PTPRD: variants seen among roughly 807,000 people sequenced by gnomAD.
PTPRD encodes the protein receptor-type tyrosine-protein phosphatase delta.
A neutral mutation model predicts 214.5 loss-of-function variants in PTPRD; 34 were observed. The ratio of observed to expected loss-of-function variants is 0.16; its 90% CI spans 0.12 to 0.21. The LOEUF (loss-of-function observed/expected upper bound fraction) is 0.21, where lower values mean the gene tolerates loss of function less well. Among genes scored for constraint, PTPRD ranks in the 10% least tolerant of loss-of-function variants. PTPRD has a pLI of 1.00. For synonymous variants in PTPRD, 1,128 were observed against 845.7 expected, an observed-to-expected ratio of 1.33 and a Z score of -5.79; for missense variants, 2,545 against 2,398.7, an observed-to-expected ratio of 1.06 and a Z score of -1.27.
rs146807692 is a variant in PTPRD, at chr9:8,500,558, G to GAAAAAAAAAAAAAAAA, written c.2128+180_2128+195dup. ...TTACTGCATTGAGATTGAAAAAAAT[G>GAAAAAAAAAAAAAAAA]AAAAAAAAAAAAAAAAAAAAAAAAA... On this transcript the variant is annotated intron_variant, in intron 24 of 45. Transcript: ENST00000381196. Among the ~76,000 whole-genome samples the GAAAAAAAAAAAAAAAA allele has an allele frequency of 1.6e-3, 23 of 14,314 alleles. 5 individuals carry two copies. Among genetic ancestry groups the GAAAAAAAAAAAAAAAA allele is most frequent in the African/African-American group, 2.2e-3 (7 of 3,192 alleles). 9.4% of individuals were successfully genotyped at this position (14,314 alleles called of 152,430 possible). A position where few individuals can be genotyped will look rare whatever the true frequency, so the allele number is the denominator to read the frequency against.
At chr9:8,791,115 T>G (rs946999016) in intron 11 of PTPRD, among the ~76,000 whole-genome samples, 1 of 152,084 alleles carries the variant, frequency 6.6e-6, no homozygotes, top group Non-Finnish European at 1.5e-5. Context: ...CAGAAGAAAG[T>G]AGAATCCTCA....
intron 11 of PTPRD, among the ~76,000 whole-genome samples, chr9:8,945,196 T>A (rs527706517): frequency 2.3e-4 from 33 of 140,804 alleles, no homozygotes; most frequent in Non-Finnish European, 4.7e-4. Context: ...CTTGAATTTA[T>A]CAAACAGAAA....
At chr9:9,463,061 G>C (rs1253200887) in intron 8 of PTPRD, among the ~76,000 whole-genome samples, 2 of 150,832 alleles carry the variant, frequency 1.3e-5, no homozygotes, top group Non-Finnish European at 2.9e-5. Context: ...AAAAGCCTTT[G>C]TGGCACCTAG....
At chr9:8,625,127 A>G (rs1478336645) in intron 14 of PTPRD, among the ~76,000 whole-genome samples, 1 of 151,850 alleles carries the variant, frequency 6.6e-6, no homozygotes, top group African/African-American at 2.4e-5. Flanking sequence ...AAGTCTCAAG[A>G]CATAAAGAGT....
chr9:8,535,715 G>A (rs1397040574), intron 14 of PTPRD, among the ~76,000 whole-genome samples: 5 of 151,776 alleles, frequency 3.3e-5, no homozygotes, highest in South Asian at 2.1e-4. Flanking sequence ...CAAGAAGTCA[G>A]AGTTTTGTTT....
Position 8,736,460 on chromosome 9 carries a change from T to G in PTPRD, c.-103-2514A>C, listed in dbSNP as rs369850690. ...TGAAATATTTGAAACATATACAAAA[T>G]TTTTGACAGGAAATACTAGAGATAT... On this transcript the variant is annotated intron_variant, in intron 11 of 45. Coordinates refer to ENST00000381196, the MANE Select transcript of PTPRD (RefSeq NM_002839.4). Among the ~76,000 whole-genome samples the G allele has an allele frequency of 3.8e-4, 58 of 152,280 alleles. No homozygotes were observed. In the East Asian group the frequency reaches 8.1e-3, roughly 21 times the overall value.
intron 8 of PTPRD, among the ~76,000 whole-genome samples, chr9:9,413,829 C>T (rs1019945526): frequency 6.6e-6 from 1 of 152,156 alleles, no homozygotes; most frequent in Non-Finnish European, 1.5e-5. Flanking sequence ...CTGTCTGCCA[C>T]ATGACAGTCA....
intron 7 of PTPRD, among the ~76,000 whole-genome samples, chr9:9,721,849 G>A (rs778952704): frequency 3.9e-5 from 6 of 151,914 alleles, no homozygotes; most frequent in East Asian, 1.9e-4. Context: ...ATTGAAATGT[G>A]GAATGAACAG....
chr9:9,734,217 G>A (rs186696882), intron 7 of PTPRD, among the ~76,000 whole-genome samples: 18 of 152,104 alleles, frequency 1.2e-4, no homozygotes, highest in African/African-American at 3.6e-4. Context: ...ACATTTTACC[G>A]CATAATCCTC....
At chr9:10,550,755 A>C (rs1022639372) in intron 2 of PTPRD, among the ~76,000 whole-genome samples, 5 of 152,212 alleles carry the variant, frequency 3.3e-5, no homozygotes, top group African/African-American at 1.2e-4. Context: ...AAAGATGCAA[A>C]GAACTATCTA....
intron 11 of PTPRD, among the ~76,000 whole-genome samples, chr9:8,771,504 T>G (rs555330217): frequency 1.3e-5 from 2 of 152,182 alleles, no homozygotes; most frequent in Non-Finnish European, 2.9e-5. Context: ...CAGTGTAGTA[T>G]AGTGACACAC....
intron 11 of PTPRD, among the ~76,000 whole-genome samples, chr9:8,934,462 TAA>T (rs1567098951): frequency 0.36 from 10,590 of 29,376 alleles, 1,718 homozygotes; most frequent in Non-Finnish European, 0.39. Context: ...TATATATATA[TAA>T]ATATATATAT....
At chr9:8,685,900 T>C (rs1425613775) in intron 12 of PTPRD, among the ~76,000 whole-genome samples, 1 of 152,182 alleles carries the variant, frequency 6.6e-6, no homozygotes, top group Non-Finnish European at 1.5e-5. Flanking sequence ...TCTTTAAAAA[T>C]AAAAGACTCA....
intron 10 of PTPRD, among the ~76,000 whole-genome samples, chr9:9,140,501 A>G (rs930029960): frequency 4.6e-5 from 7 of 152,236 alleles, no homozygotes; most frequent in African/African-American, 7.2e-5. Context: ...CAATAGCAAC[A>G]TTCAGATGAC....
At chr9:9,292,906 T>A (rs1951678369) in intron 9 of PTPRD, among the ~76,000 whole-genome samples, 1 of 151,502 alleles carries the variant, frequency 6.6e-6, no homozygotes, top group Non-Finnish European at 1.5e-5. Context: ...AAACAAAACC[T>A]CAGAAGTAAA....
chr9:8,470,885 TG>T, intron 31 of PTPRD, 109 bp downstream of exon 31: 1 of 895,980 alleles, frequency 1.1e-6, no homozygotes, highest in Non-Finnish European at 1.9e-6. Context: ...CAGCTAGGTA[TG>T]GAGAAGCCAG....
chr9:9,768,053 G>A (rs191708668), intron 5 of PTPRD, among the ~76,000 whole-genome samples: 1 of 152,218 alleles, frequency 6.6e-6, no homozygotes, highest in Non-Finnish European at 1.5e-5. Flanking sequence ...TTAGCAACAG[G>A]ATGTTGTTGC....
At chr9:8,436,483 G>A (rs1474051521) in intron 35 of PTPRD, 109 bp downstream of exon 35, 2 of 761,504 alleles carry the variant, frequency 2.6e-6, no homozygotes, top group African/African-American at 1.8e-5. Flanking sequence ...TCATATTTGA[G>A]TCATATTTAA....
chr9:8,912,753 G>T (rs1378186049), intron 11 of PTPRD, among the ~76,000 whole-genome samples: 2 of 152,026 alleles, frequency 1.3e-5, no homozygotes, highest in African/African-American at 4.8e-5. Flanking sequence ...AAATAAAATG[G>T]AAATTAAGTG....
Sources: allele counts gnomAD v4.1 joint callset (sites outside exome capture counted in the v4.1 genomes callset), GRCh38; gene constraint gnomAD v4.1.1; transcripts MANE v1.5; gene names NCBI Gene and HGNC (gene_info 2026-07-23, HGNC 2026-07-21).